Variants in NAF1 observed in about 807,000 individuals in gnomAD.
NAF1 encodes H/ACA ribonucleoprotein complex non-core subunit NAF1.
A neutral mutation model predicts 40.6 loss-of-function variants in NAF1; 11 were observed. That is an observed-to-expected ratio of 0.27 (90% confidence interval 0.17 to 0.45). The LOEUF (loss-of-function observed/expected upper bound fraction) is 0.45, where lower values mean the gene tolerates loss of function less well. Among genes scored for constraint, NAF1 ranks in the 20% least tolerant of loss-of-function variants. The pLI is 1.00. For synonymous variants in NAF1, 260 were observed against 228.5 expected (o/e 1.14, Z -1.24); for missense variants, 607 against 611.1 (o/e 0.99, Z 0.07).
chr4:163,166,004 C>G (rs181264900), intron 1 of NAF1, among the ~76,000 whole-genome samples: 107 of 152,142 alleles, frequency 7.0e-4, no homozygotes, highest in African/African-American at 2.5e-3. Context: ...AGATCTGACA[C>G]AAAACTCAAC....
At chr4:163,143,563 G>A (rs1731344057) in intron 4 of NAF1, among the ~76,000 whole-genome samples, 1 of 152,154 alleles carries the variant, frequency 6.6e-6, no homozygotes, top group Non-Finnish European at 1.5e-5. Context: ...AACTTACTAA[G>A]TTATCTAGAG....
intron 2 of NAF1, among the ~76,000 whole-genome samples, chr4:163,113,467 T>C (rs1372321148): frequency 2.6e-5 from 4 of 152,162 alleles, no homozygotes; most frequent in Non-Finnish European, 4.4e-5. Flanking sequence ...TATATCCTTT[T>C]TGTATCTGGA....
At position 163,159,577 on chromosome 4, in the gene NAF1, T is replaced by G. The variant is rs137895028; in HGVS notation, c.540+4640A>C. Among the ~76,000 whole-genome samples the G allele has an allele frequency of 1.3e-4, 20 of 152,274 alleles. No homozygotes were observed. The East Asian group carries it at 3.9e-3, about 29-fold the overall frequency. On this transcript the variant is annotated intron_variant, in intron 2 of 7. Transcript: ENST00000274054. The stretch of plus-strand genomic sequence containing the variant: ...TGGGAGATCAAACAGGCATGAAATA[T>G]TCTACTGCAACTTCCAACCACTTGA...
chr4:163,108,070 A>C (rs1303590537), downstream of NAF1, among the ~76,000 whole-genome samples: 4 of 151,886 alleles, frequency 2.6e-5, no homozygotes, highest in Non-Finnish European at 5.9e-5. Flanking sequence ...GAAATTAAGA[A>C]AATTTTTTTT....
chr4:163,129,948 T>C (rs1400361980), intron 7 of NAF1, among the ~76,000 whole-genome samples: 1 of 152,296 alleles, frequency 6.6e-6, no homozygotes, highest in East Asian at 1.9e-4. Context: ...CTCCTGTCCC[T>C]ACCAGGCATA....
downstream of NAF1, among the ~76,000 whole-genome samples, chr4:163,128,173 T>G (rs1730724186): frequency 6.6e-6 from 1 of 152,208 alleles, no homozygotes; most frequent in Admixed American, 6.5e-5. Context: ...AGTCTGCATG[T>G]GAGGATCTGG....
At chr4:163,148,308 A>G in intron 3 of NAF1, 33 bp downstream of exon 3, 1 of 1,379,546 alleles carries the variant, frequency 7.2e-7, no homozygotes, top group Non-Finnish European at 9.8e-7. Context: ...GTGTGTTTGG[A>G]AACAATTTTT....
downstream of NAF1, among the ~76,000 whole-genome samples, chr4:163,106,508 GTCTAGCGTT>G (rs1457662251): frequency 6.6e-6 from 1 of 152,040 alleles, no homozygotes. Context: ...GACAACACTA[GTCTAGCGTT>G]TCCATTTTCT....
intron 2 of NAF1, chr4:163,117,314 T>G (rs2110822206): frequency 6.6e-6 from 1 of 152,316 alleles, no homozygotes; most frequent in East Asian, 1.9e-4. Context: ...TCATCCATTT[T>G]CTAATATTGC....
At chr4:163,152,438 G>C (rs1049806922) in intron 2 of NAF1, among the ~76,000 whole-genome samples, 1 of 152,186 alleles carries the variant, frequency 6.6e-6, no homozygotes, top group Non-Finnish European at 1.5e-5. Flanking sequence ...ATTATTTGTA[G>C]TGAGTCAGGG....
downstream of NAF1, among the ~76,000 whole-genome samples, chr4:163,124,472 C>A (rs556483522): frequency 3.3e-3 from 498 of 152,232 alleles, 2 homozygotes; most frequent in Non-Finnish European, 5.9e-3. Context: ...TAAACAATTT[C>A]TTTAGATTAT....
chr4:163,133,046 A>C, intron 7 of NAF1, 108 bp downstream of exon 7: 1 of 867,786 alleles, frequency 1.2e-6, no homozygotes, highest in Non-Finnish European at 1.8e-6. Context: ...GCAGGATGCT[A>C]GGAGGTAAAC....
At chr4:163,134,955 GTAGTA>G (rs938441985) in intron 6 of NAF1, 14 of 152,238 alleles carry the variant, frequency 9.2e-5, no homozygotes, top group African/African-American at 3.4e-4. Context: ...GATTACTCTG[GTAGTA>G]TTTTGCTATC....
chr4:163,107,686 A>G (rs1730071094), downstream of NAF1, among the ~76,000 whole-genome samples: 1 of 152,136 alleles, frequency 6.6e-6, no homozygotes, highest in Non-Finnish European at 1.5e-5. Context: ...GAACCTGGGG[A>G]GAATAAGATT....
intron 2 of NAF1, among the ~76,000 whole-genome samples, chr4:163,156,036 G>T (rs1174456579): frequency 8.0e-6 from 1 of 124,982 alleles, no homozygotes; most frequent in Non-Finnish European, 1.7e-5. Context: ...ATTTAGTGCA[G>T]ATTAGAAAGA....
intron 5 of NAF1, among the ~76,000 whole-genome samples, chr4:163,138,659 G>A (rs1374217361): frequency 6.6e-6 from 1 of 152,012 alleles, no homozygotes; most frequent in Non-Finnish European, 1.5e-5. Context: ...TCCTGGGAGA[G>A]GGAGGTTTCT....
chr4:163,134,318 T>C (rs1730977638), intron 6 of NAF1, among the ~76,000 whole-genome samples: 1 of 152,226 alleles, frequency 6.6e-6, no homozygotes, highest in African/African-American at 2.4e-5. Flanking sequence ...AGTCTTTGTA[T>C]GTAATTTTCA....
At chr4:163,163,053 T>A (rs2111061391) in intron 2 of NAF1, among the ~76,000 whole-genome samples, 2 of 152,350 alleles carry the variant, frequency 1.3e-5, no homozygotes, top group South Asian at 4.1e-4. Flanking sequence ...TGTGGTCTTT[T>A]CTTTGTTCGT....
intron 2 of NAF1, among the ~76,000 whole-genome samples, chr4:163,121,128 T>C (rs915721122): frequency 6.6e-6 from 1 of 152,144 alleles, no homozygotes; most frequent in African/African-American, 2.4e-5. Context: ...TGACCTCAAG[T>C]GATCTGCCTG....
Sources: allele counts gnomAD v4.1 joint callset (sites outside exome capture counted in the v4.1 genomes callset), GRCh38; gene constraint gnomAD v4.1.1; transcripts MANE v1.5; gene names NCBI Gene and HGNC (gene_info 2026-07-23, HGNC 2026-07-21).